The following COMMD10 variants were observed in gnomAD, a reference collection of about 807,000 sequenced individuals.
COMMD10 encodes COMM domain containing 10.
COMMD10 carries 33 observed loss-of-function variants against 28.9 expected under a neutral mutation model. The ratio of observed to expected loss-of-function variants is 1.14; its 90% CI spans 0.87 to 1.53. The LOEUF is 1.53. Ranked by LOEUF, COMMD10 falls within the 40% of genes most tolerant of loss-of-function variation. The pLI is 0.00. For missense variants in COMMD10, 310 were observed against 233.4 expected (o/e 1.33, Z -2.14); for synonymous variants, 110 against 81.7 (o/e 1.35, Z -1.87).
intron 5 of COMMD10, among the ~76,000 whole-genome samples, chr5:116,226,380 C>G (rs937881304): frequency 2.0e-5 from 3 of 149,704 alleles, no homozygotes; most frequent in African/African-American, 7.3e-5. Flanking sequence ...TCAACTCTTC[C>G]AAATTTGTAA....
At chr5:116,244,910 C>G (rs1749902740) in intron 5 of COMMD10, among the ~76,000 whole-genome samples, 1 of 151,790 alleles carries the variant, frequency 6.6e-6, no homozygotes, top group Admixed American at 6.6e-5. Context: ...AACTTAACAT[C>G]ACAACTAAAA....
chr5:116,097,912 A>G (rs1474205171), intron 4 of COMMD10, among the ~76,000 whole-genome samples: 8 of 152,168 alleles, frequency 5.3e-5, no homozygotes, highest in Non-Finnish European at 1.5e-5. Flanking sequence ...TAAAGCATTC[A>G]TGAGAAGCCT....
intron 5 of COMMD10, among the ~76,000 whole-genome samples, chr5:116,251,970 T>C (rs1248949440): frequency 3.2e-5 from 4 of 125,070 alleles, no homozygotes; most frequent in Admixed American, 8.0e-5. Context: ...TTCCTGACTT[T>C]TTAATGATTG....
At chr5:116,273,650 G>A (rs7701174) in intron 5 of COMMD10, among the ~76,000 whole-genome samples, 11,738 of 151,660 alleles carry the variant, frequency 0.077, 1,069 homozygotes, top group African/African-American at 0.2. Flanking sequence ...GTGAAGCTTC[G>A]TTATGCTATG....
At chr5:116,202,343 C>T (rs1486053583) in intron 5 of COMMD10, among the ~76,000 whole-genome samples, 1 of 151,572 alleles carries the variant, frequency 6.6e-6, no homozygotes, top group African/African-American at 2.4e-5. Flanking sequence ...CCACAATAAA[C>T]ATACGTGTGC....
At chr5:116,099,029 G>A (rs1364015651) in intron 4 of COMMD10, among the ~76,000 whole-genome samples, 3 of 152,002 alleles carry the variant, frequency 2.0e-5, no homozygotes, top group Non-Finnish European at 2.9e-5. Context: ...TAAACAACGT[G>A]GTATTATTAA....
In COMMD10 at chr5:116,091,061, T is replaced by C. The variant is rs777023417; in HGVS notation, c.133-18T>C. 2.0e-6 allele frequency: 3 copies of C among 1,474,058 alleles called. No individual in the cohort carries two copies. Among genetic ancestry groups the C allele is most frequent in the Non-Finnish European group, 2.8e-6 (3 of 1,065,054 alleles). 91.3% of individuals were successfully genotyped at this position (1,474,058 alleles called of 1,614,324 possible). A position where few individuals can be genotyped will look rare whatever the true frequency, so the allele number is the denominator to read the frequency against. ...CCTGAATATGTGCTAATATAATAGA[T>C]TGCTATTTGTATTATAGGCTGAGAG... is the stretch of plus-strand genomic sequence containing the variant. On this transcript the variant is annotated intron_variant, in intron 2 of 6. Coordinates refer to ENST00000274458, the MANE Select transcript of COMMD10 (RefSeq NM_016144.4).
At chr5:116,151,549 T>G (rs1394080075) in intron 5 of COMMD10, among the ~76,000 whole-genome samples, 2 of 152,244 alleles carry the variant, frequency 1.3e-5, no homozygotes, top group African/African-American at 4.8e-5. Flanking sequence ...GTTATTGGTC[T>G]ATTCAGAGAG....
Position 116,138,306 on chromosome 5 carries a change from C to T in COMMD10, c.510+4128C>T, listed in dbSNP as rs146098355. On this transcript the variant is annotated intron_variant, in intron 5 of 6. Coordinates refer to ENST00000274458, the MANE Select transcript of COMMD10 (RefSeq NM_016144.4). ...ATTCTGTCACTTGTATTAATTTCTT[C>T]ATGAGAAAAAAGAATAAAATAGTCC... Among the ~76,000 whole-genome samples, 241 of 151,788 alleles carry T rather than the reference C, an allele frequency of 1.6e-3. 2 individuals carry two copies. Among genetic ancestry groups the T allele is most frequent in the African/African-American group, 5.4e-3 (225 of 41,482 alleles).
At chr5:116,238,148 A>C (rs1279157503) in intron 5 of COMMD10, among the ~76,000 whole-genome samples, 1 of 152,222 alleles carries the variant, frequency 6.6e-6, no homozygotes, top group African/African-American at 2.4e-5. Flanking sequence ...ATGAAAGGCT[A>C]CTTCCTGGAA....
intron 5 of COMMD10, among the ~76,000 whole-genome samples, chr5:116,254,737 A>G (rs922707286): frequency 6.6e-6 from 1 of 151,694 alleles, no homozygotes; most frequent in African/African-American, 2.4e-5. Context: ...CAGTTTTGGA[A>G]TAGGTGTGGT....
intron 4 of COMMD10, among the ~76,000 whole-genome samples, chr5:116,102,895 C>G (rs1356282346): frequency 6.6e-6 from 1 of 152,120 alleles, no homozygotes; most frequent in Non-Finnish European, 1.5e-5. Context: ...TCAGCACCCC[C>G]TTATGAGTGA....
chr5:116,177,296 T>TCC (rs1753547366), intron 5 of COMMD10, among the ~76,000 whole-genome samples: 1 of 126,054 alleles, frequency 7.9e-6, no homozygotes, highest in Non-Finnish European at 1.6e-5. Context: ...GAGACAGCTT[T>TCC]CTCTCTCATC....
At chr5:116,205,486 T>G (rs908102515) in intron 5 of COMMD10, among the ~76,000 whole-genome samples, 3 of 152,188 alleles carry the variant, frequency 2.0e-5, no homozygotes, top group African/African-American at 7.2e-5. Context: ...TTTTCTAGCC[T>G]TCCTTTCAGT....
rs116580340 is a variant in COMMD10, at chr5:116,113,886, C to G, written c.400-20182C>G. Among the ~76,000 whole-genome samples the G allele has an allele frequency of 3.0e-3, 451 of 151,858 alleles. 3 individuals carry two copies. Among genetic ancestry groups the G allele is most frequent in the African/African-American group, 0.01 (433 of 41,406 alleles). ...TGTTTCTTGTGTTTTTATGTTCATT[C>G]TAGCACATCTGGAACAATTGCTTTT... On this transcript the variant is annotated intron_variant, in intron 4 of 6. Coordinates refer to ENST00000274458, the MANE Select transcript of COMMD10 (RefSeq NM_016144.4).
At chr5:116,206,215 C>A (rs143920628) in intron 5 of COMMD10, among the ~76,000 whole-genome samples, 64 of 152,238 alleles carry the variant, frequency 4.2e-4, no homozygotes, top group African/African-American at 1.4e-3. Flanking sequence ...GGATTTTAGG[C>A]CAGCGGAACT....
chr5:116,243,770 G>T (rs1168721848), intron 5 of COMMD10, among the ~76,000 whole-genome samples: 1 of 152,274 alleles, frequency 6.6e-6, no homozygotes, highest in South Asian at 2.1e-4. Flanking sequence ...CAGAACATCT[G>T]AGAGGCACTA....
intron 5 of COMMD10, among the ~76,000 whole-genome samples, chr5:116,211,874 A>G (rs2112571): frequency 0.21 from 31,909 of 152,066 alleles, 4,492 homozygotes; most frequent in African/African-American, 0.41. Context: ...CATACATACA[A>G]AACAATGAAG....
chr5:116,265,953 A>C (rs1264708726), intron 5 of COMMD10, among the ~76,000 whole-genome samples: 1 of 151,804 alleles, frequency 6.6e-6, no homozygotes, highest in Non-Finnish European at 1.5e-5. Context: ...AAAAACAAAA[A>C]GAAAACAGTA....
Sources: gnomAD v4.1 joint callset for allele counts (sites outside exome capture counted in the v4.1 genomes callset) on GRCh38, gnomAD v4.1.1 for gene constraint, MANE v1.5 for transcripts, NCBI Gene and HGNC (gene_info 2026-07-23, HGNC 2026-07-21) for gene names.